The following ANKRD27 variants were observed in gnomAD, a reference collection of about 807,000 sequenced individuals.
ANKRD27 encodes ankyrin repeat domain 27.
Under a neutral mutation model 129.7 loss-of-function variants are expected in ANKRD27, and 112 were observed. The observed-to-expected ratio is 0.86, with a 90% confidence interval of 0.74 to 1.01. The LOEUF (loss-of-function observed/expected upper bound fraction) is 1.01. Among genes scored for constraint, ANKRD27 ranks in the 50% least tolerant of loss-of-function variants. The probability of loss-of-function intolerance (pLI) is 0.00; values close to 1 mark genes in which losing one functional copy is unlikely to be tolerated. For synonymous variants in ANKRD27, 516 were observed against 511.2 expected (o/e 1.01, Z -0.13); for missense variants, 1,258 against 1,300.5 (o/e 0.97, Z 0.50).
At chr19:32,598,500 T>C in intron 28 of ANKRD27, 122 bp from the exon 29 acceptor site, 1 of 822,274 alleles carries the variant, frequency 1.2e-6, no homozygotes. Flanking sequence ...TTGACAGGCA[T>C]AATTTCAATT....
intron 26 of ANKRD27, among the ~76,000 whole-genome samples, chr19:32,600,502 C>T (rs1029774823): frequency 2.6e-5 from 4 of 152,160 alleles, no homozygotes; most frequent in Admixed American, 1.3e-4. Context: ...GATTGCACCA[C>T]CACACTCCAG....
intron 10 of ANKRD27, among the ~76,000 whole-genome samples, chr19:32,641,609 A>G (rs568068171): frequency 1.3e-5 from 2 of 152,088 alleles, no homozygotes; most frequent in African/African-American, 4.8e-5. Flanking sequence ...TATCGTGGCT[A>G]AACAGCTATC....
At chr19:32,642,305 C>T (rs1967217214) in intron 9 of ANKRD27, among the ~76,000 whole-genome samples, 160 bp from the exon 10 acceptor site, 1 of 151,220 alleles carries the variant, frequency 6.6e-6, no homozygotes, top group Non-Finnish European at 1.5e-5. Flanking sequence ...AAGTCAGCGG[C>T]AAAACAGAAG....
intron 1 of ANKRD27, among the ~76,000 whole-genome samples, chr19:32,672,577 G>C (rs1259957330): frequency 6.6e-6 from 1 of 152,172 alleles, no homozygotes; most frequent in Non-Finnish European, 1.5e-5. Context: ...AGCCAAGCAA[G>C]CACAAAGGCA....
intron 1 of ANKRD27, among the ~76,000 whole-genome samples, chr19:32,674,806 G>C (rs767583885): frequency 6.6e-6 from 1 of 152,040 alleles, no homozygotes; most frequent in Non-Finnish European, 1.5e-5. Context: ...GAGGCTCGGA[G>C]GGTGCATTCT....
At chr19:32,654,473 T>C (rs1437131318) in intron 2 of ANKRD27, among the ~76,000 whole-genome samples, 1 of 152,192 alleles carries the variant, frequency 6.6e-6, no homozygotes, top group Non-Finnish European at 1.5e-5. Flanking sequence ...CATCGAGATA[T>C]TCGACTTTTT....
chr19:32,604,123 C>T, intron 25 of ANKRD27, 140 bp downstream of exon 25: 1 of 927,266 alleles, frequency 1.1e-6, no homozygotes. Flanking sequence ...ACGCTGTGGA[C>T]TTCTGGCACA....
At chr19:32,668,319 A>C (rs1037096386) in intron 1 of ANKRD27, among the ~76,000 whole-genome samples, 6 of 151,952 alleles carry the variant, frequency 3.9e-5, no homozygotes, top group African/African-American at 9.7e-5. Flanking sequence ...GGCCAAGCCT[A>C]AATTTTTTGT....
chr19:32,633,530 C>T (rs568724354), intron 12 of ANKRD27, among the ~76,000 whole-genome samples: 16 of 151,468 alleles, frequency 1.1e-4, no homozygotes, highest in Admixed American at 9.2e-4. Context: ...CGCTACATTG[C>T]CCAGGCTGGT....
intron 14 of ANKRD27, among the ~76,000 whole-genome samples, chr19:32,628,507 G>T (rs534382195): frequency 7.2e-5 from 11 of 152,332 alleles, no homozygotes; most frequent in Admixed American, 6.5e-4. Context: ...AGCCTACCCT[G>T]GCAGCCAGCC....
intron 23 of ANKRD27, among the ~76,000 whole-genome samples, chr19:32,606,302 G>A (rs1001513165): frequency 8.6e-5 from 13 of 151,962 alleles, no homozygotes; most frequent in African/African-American, 3.1e-4. Flanking sequence ...ACAGGCGCCT[G>A]CCACCACGCT....
rs146675026 is a variant in ANKRD27, at chr19:32,622,528, C to T, written c.1721G>A (p.Arg574His). 116 of 1,613,870 alleles carry T rather than the reference C, an allele frequency of 7.2e-5. No individual in the cohort carries two copies. Among genetic ancestry groups the T allele is most frequent in the Non-Finnish European group, 8.4e-5 (99 of 1,180,016 alleles). Residue 574 changes from arginine to histidine, a missense_variant, in exon 18 of 29, where the codon CGC becomes CAC. Physicochemically the swap from Arg to His is conservative, Grantham distance 29. Coordinates refer to ENST00000306065, the MANE Select transcript of ANKRD27 (RefSeq NM_032139.3). Reference protein sequence around the residue: ...KGDTPLHIAARWGYQGVIETL... With the variant: ...KGDTPLHIAAHWGYQGVIETL... ...CTCTATGACGCCTTGGTAGCCCCAG[C>T]GGGCAGCAATGTGTAGAGGGGTGTC...
chr19:32,639,141 T>C, intron 12 of ANKRD27: 1 of 585,152 alleles, frequency 1.7e-6, no homozygotes. Context: ...ATTAACAATG[T>C]AAATCCCAAT....
chr19:32,659,475 C>T (rs944570100), intron 1 of ANKRD27, among the ~76,000 whole-genome samples: 41 of 152,282 alleles, frequency 2.7e-4, no homozygotes, highest in African/African-American at 9.6e-4. Flanking sequence ...ACCAGGAAAT[C>T]TCAAATACAA....
intron 22 of ANKRD27, among the ~76,000 whole-genome samples, chr19:32,611,704 C>G (rs900718551): frequency 2.0e-5 from 3 of 152,192 alleles, no homozygotes; most frequent in African/African-American, 7.2e-5. Context: ...GCCTCAGCCT[C>G]CCGAGTAGCT....
chr19:32,630,536 G>A (rs1398073947), intron 13 of ANKRD27, among the ~76,000 whole-genome samples: 1 of 152,248 alleles, frequency 6.6e-6, no homozygotes, highest in Non-Finnish European at 1.5e-5. Context: ...CACTGAGCTG[G>A]CCTGGAGGAA....
rs576483183 is a variant in ANKRD27, at chr19:32,617,276, GCTCACA to G, written c.2052+307_2052+312del. Among the ~76,000 whole-genome samples, 13 of 152,238 alleles carry G rather than the reference GCTCACA, an allele frequency of 8.5e-5. No individual in the cohort carries two copies. The East Asian group carries it at 2.3e-3, about 27-fold the overall frequency. Reference sequence around the variant, plus strand: ...AGCACTTCTAAAGCTGGGCAGGGTGGCTCACACCTGTAATCCAAGTACTTTGGGAGG... The same window carrying G: ...AGCACTTCTAAAGCTGGGCAGGGTGGCCTGTAATCCAAGTACTTTGGGAGG... On this transcript the variant is annotated intron_variant, in intron 21 of 28. Transcript: ENST00000306065.
chr19:32,667,050 C>T (rs150913546), intron 1 of ANKRD27, among the ~76,000 whole-genome samples: 165 of 152,356 alleles, frequency 1.1e-3, no homozygotes, highest in African/African-American at 3.4e-3. Context: ...TTATGAGGGT[C>T]ATTTCCATGC....
chr19:32,643,712 G>C, intron 5 of ANKRD27, 81 bp from the exon 6 acceptor site: 1 of 1,426,816 alleles, frequency 7.0e-7, no homozygotes, highest in South Asian at 1.2e-5. Flanking sequence ...AAGGCGCACA[G>C]AGCTTCAAGT....
Sources: allele counts gnomAD v4.1 joint callset (sites outside exome capture counted in the v4.1 genomes callset), GRCh38; gene constraint gnomAD v4.1.1; transcripts MANE v1.5; gene names NCBI Gene and HGNC (gene_info 2026-07-23, HGNC 2026-07-21).